Variants in MYO1E observed in about 807,000 individuals in gnomAD.
MYO1E encodes unconventional myosin-Ie.
MYO1E carries 68 observed loss-of-function variants against 151.1 expected under a neutral mutation model. The ratio of observed to expected loss-of-function variants is 0.45; its 90% confidence interval spans 0.37 to 0.55. The LOEUF (loss-of-function observed/expected upper bound fraction) is 0.55, where lower values mean the gene tolerates loss of function less well. Ranked by LOEUF, MYO1E falls within the 20% of genes least tolerant of loss-of-function variation. The pLI is 0.00. For synonymous variants in MYO1E, 601 were observed against 501.7 expected (o/e 1.20, Z -2.64); for missense variants, 1,363 against 1,389.3 (o/e 0.98, Z 0.30).
At chr15:59,292,096 T>A (rs1454982000) in intron 1 of MYO1E, among the ~76,000 whole-genome samples, 1 of 152,206 alleles carries the variant, frequency 6.6e-6, no homozygotes, top group Non-Finnish European at 1.5e-5. Context: ...CAGATCCTAT[T>A]GTTAAGTAAA....
intron 1 of MYO1E, among the ~76,000 whole-genome samples, chr15:59,368,026 G>A (rs1328258448): frequency 6.6e-6 from 1 of 152,162 alleles, no homozygotes; most frequent in African/African-American, 2.4e-5. Flanking sequence ...GGCTGAGGCA[G>A]GAGAATTGCT....
intron 12 of MYO1E, among the ~76,000 whole-genome samples, chr15:59,211,538 G>A (rs549579010): frequency 2.0e-5 from 3 of 152,046 alleles, no homozygotes; most frequent in South Asian, 4.2e-4. Flanking sequence ...TCTATACCTC[G>A]CCACGGGGTT....
chr15:59,223,769 T>TTAAATGCAATAAATACCGC (rs1323937400), intron 8 of MYO1E, among the ~76,000 whole-genome samples: 2 of 152,198 alleles, frequency 1.3e-5, no homozygotes, highest in African/African-American at 4.8e-5. Context: ...CTGAGGTCCC[T>TTAAATGCAATAAATACCGC]TAAATGCAAT....
At chr15:59,358,657 T>C (rs1311512159) in intron 1 of MYO1E, among the ~76,000 whole-genome samples, 2 of 152,218 alleles carry the variant, frequency 1.3e-5, no homozygotes, top group Admixed American at 1.3e-4. Flanking sequence ...TATCAATGTA[T>C]CCTCACCAGG....
At chr15:59,222,822 C>G (rs775480759) in intron 9 of MYO1E, among the ~76,000 whole-genome samples, 1 of 152,124 alleles carries the variant, frequency 6.6e-6, no homozygotes, top group Non-Finnish European at 1.5e-5. Flanking sequence ...TAAATTGAAA[C>G]GATTCCATTA....
intron 1 of MYO1E, among the ~76,000 whole-genome samples, chr15:59,338,539 C>G (rs1206537085): frequency 1.3e-5 from 2 of 152,198 alleles, no homozygotes; most frequent in East Asian, 3.9e-4. Context: ...CCAACCCTGC[C>G]TGCAAGATGT....
intron 4 of MYO1E, among the ~76,000 whole-genome samples, chr15:59,246,608 T>A (rs2080131658): frequency 6.6e-6 from 1 of 152,124 alleles, no homozygotes; most frequent in African/African-American, 2.4e-5. Flanking sequence ...CAACATCCCA[T>A]CTCTTTTCTA....
chr15:59,349,972 G>A (rs1596437639), intron 1 of MYO1E, among the ~76,000 whole-genome samples: 1 of 152,168 alleles, frequency 6.6e-6, no homozygotes, highest in Non-Finnish European at 1.5e-5. Flanking sequence ...ACTTTAGGGC[G>A]ATGTGGTAGT....
chr15:59,333,284 G>A (rs2080708803), intron 1 of MYO1E, among the ~76,000 whole-genome samples: 1 of 152,004 alleles, frequency 6.6e-6, no homozygotes, highest in Non-Finnish European at 1.5e-5. Flanking sequence ...CTGTTACCCA[G>A]GCTGGAGTGC....
intron 17 of MYO1E, among the ~76,000 whole-genome samples, chr15:59,193,683 C>T (rs1201893848): frequency 1.3e-5 from 2 of 152,094 alleles, no homozygotes; most frequent in African/African-American, 2.4e-5. Flanking sequence ...ATTCTTATCG[C>T]AGATTGAAAA....
rs114804848 is a variant in MYO1E, at chr15:59,159,853, T to A, written c.2785+1220A>T. 6.2e-3 allele frequency among the ~76,000 whole-genome samples: 939 copies of A among 152,220 alleles called. 10 individuals are homozygous for A. The highest frequency in any genetic ancestry group is 0.021 in the African/African-American group (883 of 41,490). On this transcript the variant is annotated intron_variant, in intron 24 of 27. Coordinates refer to ENST00000288235, the MANE Select transcript of MYO1E (RefSeq NM_004998.4). The surrounding 1 kb of genome is among the most constrained non-coding windows in gnomAD (Gnocchi z 4.4). The stretch of plus-strand genomic sequence containing the variant: ...ATTTGAGAAATGGCTAATTAATTAA[T>A]TAATTTTTGAGATGGAGTTTCGCTC...
chr15:59,314,916 G>T (rs1413169045), intron 1 of MYO1E, among the ~76,000 whole-genome samples: 4 of 152,150 alleles, frequency 2.6e-5, no homozygotes, highest in African/African-American at 7.2e-5. Flanking sequence ...AGGCGGGGTG[G>T]CAGGAGGAAT....
chr15:59,167,708 G>A (rs756377608), intron 22 of MYO1E, among the ~76,000 whole-genome samples: 4 of 152,106 alleles, frequency 2.6e-5, no homozygotes. Context: ...ACGGAGTCTC[G>A]CTCTGTTGCC....
chr15:59,175,419 TTATCCGGGTGCA>T (rs2079618756), intron 19 of MYO1E, among the ~76,000 whole-genome samples: 1 of 152,196 alleles, frequency 6.6e-6, no homozygotes, highest in South Asian at 2.1e-4. Context: ...TTGTCTCTGT[TTATCCGGGTGCA>T]TGCTTGGGAG....
intron 7 of MYO1E, among the ~76,000 whole-genome samples, chr15:59,225,092 A>G (rs1326110344): frequency 6.6e-6 from 1 of 152,234 alleles, no homozygotes; most frequent in Non-Finnish European, 1.5e-5. Context: ...AGTGGAAAGC[A>G]AAACAGATTT....
At chr15:59,338,186 T>C (rs2080741271) in intron 1 of MYO1E, among the ~76,000 whole-genome samples, 1 of 151,588 alleles carries the variant, frequency 6.6e-6, no homozygotes, top group Non-Finnish European at 1.5e-5. Context: ...AATGAATAGA[T>C]TGCTTAGGAA....
intron 1 of MYO1E, among the ~76,000 whole-genome samples, chr15:59,364,460 T>A (rs191329291): frequency 5.9e-5 from 9 of 152,330 alleles, no homozygotes; most frequent in Admixed American, 5.2e-4. Flanking sequence ...TCCATACAGT[T>A]ATGACACACA....
At chr15:59,219,233 T>C (rs1344714380) in intron 9 of MYO1E, among the ~76,000 whole-genome samples, 1 of 152,170 alleles carries the variant, frequency 6.6e-6, no homozygotes, top group East Asian at 1.9e-4. Flanking sequence ...TGGGGTTTTC[T>C]TGATTTCTGG....
intron 1 of MYO1E, among the ~76,000 whole-genome samples, chr15:59,352,960 C>A (rs1321834899): frequency 6.6e-6 from 1 of 152,138 alleles, no homozygotes; most frequent in Admixed American, 6.5e-5. Context: ...ACGTTAAGAT[C>A]GACCACATGA....
Sources: allele counts gnomAD v4.1 joint callset (sites outside exome capture counted in the v4.1 genomes callset), GRCh38; gene constraint gnomAD v4.1.1; non-coding constraint Gnocchi (gnomAD v3.1); transcripts MANE v1.5; gene names NCBI Gene and HGNC (gene_info 2026-07-23, HGNC 2026-07-21).